Variants in LRP1B observed in about 807,000 individuals in gnomAD.
LRP1B encodes low-density lipoprotein receptor-related protein 1B.
LRP1B carries 217 observed loss-of-function variants against 556.6 expected under a neutral mutation model. The observed-to-expected ratio is 0.39, with a 90% CI of 0.35 to 0.44. The LOEUF (loss-of-function observed/expected upper bound fraction) is 0.44. LRP1B is among the 20% of genes least tolerant of loss of function. LRP1B has a pLI of 1.00. For missense variants in LRP1B, 5,053 were observed against 5,620.8 expected (o/e 0.90, Z 3.23); for synonymous variants, 2,047 against 1,865.8 (o/e 1.10, Z -2.50).
chr2:140,618,479 A>C (rs544030800), intron 41 of LRP1B, among the ~76,000 whole-genome samples: 1 of 152,266 alleles, frequency 6.6e-6, no homozygotes, highest in South Asian at 2.1e-4. Flanking sequence ...ATAGAATTGA[A>C]AAATTCAATA....
chr2:140,560,708 A>G (rs1242235914), intron 43 of LRP1B, among the ~76,000 whole-genome samples: 3 of 152,220 alleles, frequency 2.0e-5, no homozygotes, highest in South Asian at 2.1e-4. Flanking sequence ...TGACTTATCT[A>G]TAATACAGTA....
intron 11 of LRP1B, among the ~76,000 whole-genome samples, chr2:141,040,041 G>A (rs1463066513): frequency 6.6e-6 from 1 of 152,000 alleles, no homozygotes; most frequent in Non-Finnish European, 1.5e-5. Context: ...CACTCAGTGT[G>A]ATAACAATAT....
chr2:141,961,501 G>A (rs111856113), intron 1 of LRP1B, among the ~76,000 whole-genome samples: 9 of 151,696 alleles, frequency 5.9e-5, no homozygotes, highest in African/African-American at 1.7e-4. Flanking sequence ...CACCTTTGAC[G>A]TATTTAATTG....
At chr2:141,587,532 A>G (rs1687186872) in intron 2 of LRP1B, among the ~76,000 whole-genome samples, 1 of 152,206 alleles carries the variant, frequency 6.6e-6, no homozygotes, top group Admixed American at 6.5e-5. Context: ...TTCTCAATAA[A>G]TATCAATATC....
chr2:140,373,205 A>G lies in LRP1B; in HGVS notation c.10639-68T>C. ...AAACACTTCTACACACTCAAAAGAC[A>G]AGAAAACTTATGTACAGAAAACCTG... On this transcript the variant is annotated intron_variant, in intron 68 of 90. Transcript: ENST00000389484. 3 of 1,378,150 alleles carry G rather than the reference A, an allele frequency of 2.2e-6. No homozygotes were observed. The South Asian group carries it at 3.8e-5, about 17-fold the overall frequency. 85.4% of individuals were successfully genotyped at this position (1,378,150 alleles called of 1,614,324 possible).
chr2:140,704,619 A>G (rs1296819951), intron 37 of LRP1B, among the ~76,000 whole-genome samples: 1 of 152,152 alleles, frequency 6.6e-6, no homozygotes, highest in Non-Finnish European at 1.5e-5. Context: ...ATTCAATATA[A>G]AATAACTAAC....
chr2:140,417,816 T>G lies in LRP1B; in HGVS notation c.10414+24688A>C, dbSNP rs146133150. Among the ~76,000 whole-genome samples the G allele has an allele frequency of 2.2e-4, 33 of 152,306 alleles. 3 individuals carry two copies. The highest frequency in any genetic ancestry group is 6.5e-4 in the African/African-American group (27 of 41,582). Reference sequence around the variant, plus strand: ...TTAACAGCATTTTACAGAATGTGATTAAAATTATCAGCAATACATTACATG... The same window carrying G: ...TTAACAGCATTTTACAGAATGTGATGAAAATTATCAGCAATACATTACATG... On this transcript the variant is annotated intron_variant, in intron 66 of 90. Transcript: ENST00000389484.
chr2:140,930,245 A>C (rs1319015818), intron 20 of LRP1B, among the ~76,000 whole-genome samples: 2 of 152,100 alleles, frequency 1.3e-5, no homozygotes, highest in African/African-American at 4.8e-5. Flanking sequence ...GATGCCAGTT[A>C]TATTTTTAAC....
intron 1 of LRP1B, among the ~76,000 whole-genome samples, chr2:141,966,122 A>G (rs1165022248): frequency 6.6e-6 from 1 of 151,868 alleles, no homozygotes; most frequent in Non-Finnish European, 1.5e-5. Flanking sequence ...TAAGTGGAGC[A>G]AGGCTTATAT....
chr2:140,474,991 T>G (rs1687910877), intron 60 of LRP1B, 147 bp downstream of exon 60: 1 of 306,572 alleles, frequency 3.3e-6, no homozygotes, highest in Non-Finnish European at 5.7e-6. Flanking sequence ...TAATTCTAAT[T>G]TACCAATATT....
chr2:141,280,695 G>A (rs558314123), intron 3 of LRP1B, among the ~76,000 whole-genome samples: 1 of 151,908 alleles, frequency 6.6e-6, no homozygotes, highest in East Asian at 1.9e-4. Context: ...TTTTATTTTT[G>A]TACATTCCTA....
At chr2:141,548,994 A>G (rs948174678) in intron 2 of LRP1B, among the ~76,000 whole-genome samples, 1 of 152,212 alleles carries the variant, frequency 6.6e-6, no homozygotes, top group African/African-American at 2.4e-5. Context: ...ACAGTTATCT[A>G]CTACAGCAGT....
At chr2:140,671,292 G>A (rs1165121122) in intron 41 of LRP1B, among the ~76,000 whole-genome samples, 1 of 152,088 alleles carries the variant, frequency 6.6e-6, no homozygotes, top group African/African-American at 2.4e-5. Flanking sequence ...AGGCCAAGGC[G>A]GGCGGATCAT....
intron 1 of LRP1B, among the ~76,000 whole-genome samples, chr2:142,053,811 G>T (rs1272331690): frequency 6.6e-6 from 1 of 152,056 alleles, no homozygotes; most frequent in African/African-American, 2.4e-5. Flanking sequence ...GATCAAGAGG[G>T]GTCCAGTCTC....
At chr2:141,909,947 C>T (rs1390678831) in intron 1 of LRP1B, among the ~76,000 whole-genome samples, 1 of 151,988 alleles carries the variant, frequency 6.6e-6, no homozygotes, top group Non-Finnish European at 1.5e-5. Context: ...ATTTTAACTA[C>T]ACCTTTTCCA....
intron 1 of LRP1B, among the ~76,000 whole-genome samples, chr2:142,124,311 T>C (rs376733319): frequency 1.3e-5 from 2 of 151,928 alleles, no homozygotes; most frequent in African/African-American, 2.4e-5. Context: ...GATCAACAAA[T>C]GGGTATACTC....
At chr2:141,547,679 A>G (rs1685601489) in intron 2 of LRP1B, among the ~76,000 whole-genome samples, 1 of 152,140 alleles carries the variant, frequency 6.6e-6, no homozygotes, top group Non-Finnish European at 1.5e-5. Context: ...TGCAGCAGGC[A>G]TGCTTTTTCT....
chr2:142,044,403 C>T (rs554838036), intron 1 of LRP1B, among the ~76,000 whole-genome samples: 3 of 151,748 alleles, frequency 2.0e-5, no homozygotes, highest in East Asian at 3.9e-4. Flanking sequence ...ACCAATCCAC[C>T]GATATAAATC....
At chr2:140,589,904 T>C (rs1682147208) in intron 43 of LRP1B, among the ~76,000 whole-genome samples, 3 of 152,200 alleles carry the variant, frequency 2.0e-5, no homozygotes, top group Middle Eastern at 6.8e-3. Flanking sequence ...TGTGGGATCA[T>C]TGGAATGAAG....
Sources: allele counts gnomAD v4.1 joint callset (sites outside exome capture counted in the v4.1 genomes callset), GRCh38; gene constraint gnomAD v4.1.1; transcripts MANE v1.5; gene names NCBI Gene and HGNC (gene_info 2026-07-23, HGNC 2026-07-21).